Variants in ABHD2 observed in about 807,000 individuals in gnomAD.
ABHD2 encodes monoacylglycerol lipase ABHD2.
A neutral mutation model predicts 48.1 loss-of-function variants in ABHD2; 20 were observed. The observed-to-expected ratio is 0.42, with a 90% CI of 0.29 to 0.60. The LOEUF (loss-of-function observed/expected upper bound fraction) is 0.60, where lower values mean the gene tolerates loss of function less well. Ranked by LOEUF, ABHD2 falls within the 20% of genes least tolerant of loss-of-function variation. The pLI is 0.24. For synonymous variants in ABHD2, 209 were observed against 214.2 expected (o/e 0.98, Z 0.21); for missense variants, 405 against 550.9 (o/e 0.74, Z 2.65).
At chr15:89,080,081 G>C in the ABHD2 span, among the ~76,000 whole-genome samples, 1 of 152,164 alleles carries the variant, frequency 6.6e-6, no homozygotes, top group Non-Finnish European at 1.5e-5. Flanking sequence ...GCTTGCTCAT[G>C]GGGCAGAGAT....
At chr15:89,138,224 A>G (rs573779389) in intron 3 of ABHD2, among the ~76,000 whole-genome samples, 1 of 152,334 alleles carries the variant, frequency 6.6e-6, no homozygotes, top group East Asian at 1.9e-4. Context: ...GTGCACACAC[A>G]TGCATGCACA....
chr15:89,192,513 T>C (rs1368113868), intron 9 of ABHD2, among the ~76,000 whole-genome samples: 2 of 152,014 alleles, frequency 1.3e-5, no homozygotes, highest in Middle Eastern at 3.4e-3. Context: ...TCTTTTCTTT[T>C]TTTTTTTTTT....
intron 6 of ABHD2, among the ~76,000 whole-genome samples, chr15:89,181,733 A>C (rs944344977): frequency 1.3e-5 from 2 of 152,190 alleles, no homozygotes; most frequent in African/African-American, 4.8e-5. Context: ...TTCTGACTTT[A>C]ATTCGTTTTC....
chr15:89,088,208 C>G (rs1324151194), upstream of ABHD2: 3 of 152,364 alleles, frequency 2.0e-5, no homozygotes, highest in African/African-American at 4.8e-5. This position sits in a 1 kb window ranked among gnomAD's most constrained non-coding sequence, Gnocchi z 6.8. Flanking sequence ...GCGTCTGGGT[C>G]CCTGGACTAA....
At chr15:89,123,008 C>G (rs1251480923) in intron 3 of ABHD2, among the ~76,000 whole-genome samples, 1 of 152,204 alleles carries the variant, frequency 6.6e-6, no homozygotes, top group East Asian at 1.9e-4. Context: ...TGGGTACTTT[C>G]TTCCCCAGAG....
chr15:89,071,771 G>T, the ABHD2 span, among the ~76,000 whole-genome samples: 2 of 152,188 alleles, frequency 1.3e-5, no homozygotes, highest in Non-Finnish European at 2.9e-5. Context: ...GTCATTCTAA[G>T]GGTATGCTTA....
At chr15:89,049,661 T>G in the ABHD2 span, among the ~76,000 whole-genome samples, 73,183 of 152,132 alleles carry the variant, frequency 0.48, 19,421 homozygotes, top group African/African-American at 0.72. Context: ...TCCAGGTGGC[T>G]TCTGTCACCC....
intron 6 of ABHD2, among the ~76,000 whole-genome samples, chr15:89,178,388 G>A (rs1297204141): frequency 6.6e-6 from 1 of 152,178 alleles, no homozygotes; most frequent in Admixed American, 6.5e-5. Context: ...CTGGGATGGT[G>A]GCAGCTGCAT....
rs770585719 is a variant in ABHD2 at position 89,104,524 on chromosome 15, G to T, written c.-106-9201G>T. The stretch of plus-strand genomic sequence containing the variant: ...AGTGTGTATTAGCCAAGTACTGGGG[G>T]CACTGGGAGCCTTGTCTGCTCCCAG... On this transcript the variant is annotated intron_variant, in intron 1 of 10. Transcript: ENST00000352732. The surrounding 1 kb of genome is among the most constrained non-coding windows in gnomAD (Gnocchi z 4.4). 6.6e-6 allele frequency among the ~76,000 whole-genome samples: 1 copy of T among 152,210 alleles called. No individual in the cohort carries two copies.
At chr15:89,159,897 A>G (rs889721142) in intron 5 of ABHD2, among the ~76,000 whole-genome samples, 1 of 152,236 alleles carries the variant, frequency 6.6e-6, no homozygotes, top group African/African-American at 2.4e-5. Flanking sequence ...TCTTCTAGCC[A>G]TACTATTTGT....
At chr15:89,043,163 A>G in the ABHD2 span, among the ~76,000 whole-genome samples, 4 of 152,192 alleles carry the variant, frequency 2.6e-5, no homozygotes. Context: ...AGGGCTGTGG[A>G]GAAGACAGAC....
At chr15:89,193,872 G>T (rs2051347523) in intron 10 of ABHD2, among the ~76,000 whole-genome samples, 1 of 145,998 alleles carries the variant, frequency 6.8e-6, no homozygotes, top group African/African-American at 2.6e-5. Flanking sequence ...AGTGAGCCGA[G>T]ATCACGCCAC....
chr15:89,201,792 G>GCAGA lies in ABHD2; in HGVS notation c.*6371_*6374dup. ...CTCGTGCTTCGCCGTGGCCCCGGAG[G>GCAGA]CAGACGCCATTGGAGAGACAGCGCA... On this transcript the variant is annotated 3_prime_UTR_variant, in exon 11 of 11. Coordinates refer to ENST00000352732, the MANE Select transcript of ABHD2 (RefSeq NM_152924.5). 1 of 1,419,958 alleles carries GCAGA rather than the reference G, an allele frequency of 7.0e-7. No individual in the cohort carries two copies. The highest frequency in any genetic ancestry group is 9.9e-7 in the Non-Finnish European group (1 of 1,007,526). 88.0% of individuals were successfully genotyped at this position (1,419,958 alleles called of 1,614,324 possible). A position where few individuals can be genotyped will look rare whatever the true frequency, so the allele number is the denominator to read the frequency against.
Position 89,151,521 on chromosome 15 carries a change from A to G in ABHD2, c.195-156A>G, listed in dbSNP as rs2050590435. Among the ~76,000 whole-genome samples the G allele has an allele frequency of 6.6e-6, 1 of 152,216 alleles. No individual in the cohort carries two copies. Among genetic ancestry groups the G allele is most frequent in the African/African-American group, 2.4e-5 (1 of 41,446 alleles). On this transcript the variant is annotated intron_variant, in intron 3 of 10. Coordinates refer to ENST00000352732, the MANE Select transcript of ABHD2 (RefSeq NM_152924.5). The surrounding 1 kb of genome is among the most constrained non-coding windows in gnomAD (Gnocchi z 4.7). ...AGTAAATGGGGAAAGGCGGTAAATC[A>G]TGGCACGGATGTAACGTAATAAAAG...
At chr15:89,043,946 A>C in the ABHD2 span, among the ~76,000 whole-genome samples, 1 of 150,880 alleles carries the variant, frequency 6.6e-6, no homozygotes, top group Admixed American at 6.6e-5. Context: ...GTACATGTGC[A>C]CAATGTGCAG....
At chr15:89,047,635 C>T in the ABHD2 span, among the ~76,000 whole-genome samples, 1 of 150,954 alleles carries the variant, frequency 6.6e-6, no homozygotes, top group East Asian at 1.9e-4. Flanking sequence ...TGAATTGATC[C>T]CTTTACCATT....
chr15:89,069,011 C>G, the ABHD2 span, among the ~76,000 whole-genome samples: 43 of 151,822 alleles, frequency 2.8e-4, no homozygotes, highest in African/African-American at 1.0e-3. Flanking sequence ...TTGTGATCCA[C>G]TCACCTCAGC....
rs76546338 is a variant in ABHD2, at chr15:89,118,325, G to A, written c.194+1804G>A. On this transcript the variant is annotated intron_variant, in intron 3 of 10. Transcript: ENST00000352732. ...TAGCCTCCCCAGTAGCTGGGACTACGTGCCACCACGCCCAGCTAATTTTTG... is the reference window on the plus strand; with the variant it reads ...TAGCCTCCCCAGTAGCTGGGACTACATGCCACCACGCCCAGCTAATTTTTG... 2.0e-3 allele frequency among the ~76,000 whole-genome samples: 303 copies of A among 151,794 alleles called. 2 individuals carry two copies. Among genetic ancestry groups the A allele is most frequent in the African/African-American group, 7.0e-3 (291 of 41,380 alleles).
the ABHD2 span, among the ~76,000 whole-genome samples, chr15:89,062,638 T>G: frequency 6.6e-6 from 1 of 152,128 alleles, no homozygotes. Context: ...TTCACCTGCC[T>G]CGGCCTCCCA....
Sources: allele counts gnomAD v4.1 joint callset (sites outside exome capture counted in the v4.1 genomes callset), GRCh38; gene constraint gnomAD v4.1.1; non-coding constraint Gnocchi (gnomAD v3.1); transcripts MANE v1.5; gene names NCBI Gene and HGNC (gene_info 2026-07-23, HGNC 2026-07-21).